CCDC77: variants seen among roughly 807,000 people sequenced by gnomAD.
The protein encoded by CCDC77 is coiled-coil domain containing 77, also known as coiled-coil domain-containing protein 77.
A neutral mutation model predicts 66.8 loss-of-function variants in CCDC77; 56 were observed. The observed-to-expected ratio is 0.84, with a 90% CI of 0.68 to 1.05. CCDC77 has a LOEUF of 1.05. CCDC77 is among the 50% of genes least tolerant of loss of function. The pLI is 0.00. For missense variants in CCDC77, 570 were observed against 576.8 expected (o/e 0.99, Z 0.12); for synonymous variants, 196 against 195.2 (o/e 1.00, Z -0.03).
At chr12:415,335 TATGTTAATATAATC>T (rs749489252) in intron 4 of CCDC77, among the ~76,000 whole-genome samples, 18,561 of 135,272 alleles carry the variant, frequency 0.14, 3,102 homozygotes, top group East Asian at 0.31. Context: ...AACATAATAT[TATGTTAATATAATC>T]AACATAATAT....
intron 4 of CCDC77, among the ~76,000 whole-genome samples, chr12:415,414 ATAT>A (rs200152509): frequency 0.094 from 2,103 of 22,410 alleles, 298 homozygotes; most frequent in Middle Eastern, 0.17. Flanking sequence ...TAATATGTTG[ATAT>A]TATTAACATA....
upstream of CCDC77, among the ~76,000 whole-genome samples, chr12:397,246 T>C (rs148752386): frequency 8.8e-3 from 1,340 of 152,176 alleles, 6 homozygotes; most frequent in Middle Eastern, 0.017. Flanking sequence ...CCTATGGTAA[T>C]AGACCAAGTG....
intron 1 of CCDC77, among the ~76,000 whole-genome samples, chr12:395,872 C>T (rs554997837): frequency 1.1e-4 from 17 of 150,976 alleles, no homozygotes; most frequent in Admixed American, 5.9e-4. Flanking sequence ...CCAGCCTGGG[C>T]GACAGAGTGA....
At chr12:431,714 T>G (rs973991880) in intron 7 of CCDC77, 152 bp from the exon 8 acceptor site, 1 of 560,402 alleles carries the variant, frequency 1.8e-6, no homozygotes, top group African/African-American at 1.9e-5. Context: ...ATGTTTCCCT[T>G]TGTCTTCCGA....
At position 389,390 on chromosome 12, in the gene CCDC77, C is replaced by A. The variant is rs557704157; in HGVS notation, c.-209C>A. 4.2e-3 allele frequency: 2,356 copies of A among 557,414 alleles called. 6 individuals carry two copies. Among genetic ancestry groups the A allele is most frequent in the Non-Finnish European group, 6.3e-3 (1,932 of 307,808 alleles). The allele number at this position is 557,414 out of a possible 1,614,324, so 34.5% of individuals were successfully genotyped here. ...CACGACGCCTGTGTGTCTGGCCTTT[C>A]CTTCTTCTTCTCTTCCCCGGCAGCA... On this transcript the variant is annotated 5_prime_UTR_variant, in exon 1 of 12. Transcript: ENST00000422000.
At chr12:390,736 A>AACACACAC (rs58938735) in intron 1 of CCDC77, among the ~76,000 whole-genome samples, 9,566 of 149,404 alleles carry the variant, frequency 0.064, 663 homozygotes, top group African/African-American at 0.17. Context: ...TATCTTTATA[A>AACACACAC]ACACACACAC....
At chr12:415,384 T>TTATGTTAATATAATCAACATAA (rs1565568106) in intron 4 of CCDC77, among the ~76,000 whole-genome samples, 8 of 102,986 alleles carry the variant, frequency 7.8e-5, no homozygotes, top group East Asian at 5.8e-4. Flanking sequence ...CAACATAATA[T>TTATGTTAATATAATCAACATAA]TATGTTAATA....
chr12:425,869 G>A (rs974280514), intron 5 of CCDC77, among the ~76,000 whole-genome samples: 1 of 151,956 alleles, frequency 6.6e-6, no homozygotes, highest in Non-Finnish European at 1.5e-5. Context: ...TTGTTTGTTT[G>A]TTTGTTTGTT....
At chr12:396,536 G>A (rs1944830582) in intron 1 of CCDC77, among the ~76,000 whole-genome samples, 1 of 152,194 alleles carries the variant, frequency 6.6e-6, no homozygotes, top group Non-Finnish European at 1.5e-5. Flanking sequence ...TTATGTAAGG[G>A]ACTTGAGCAT....
intron 7 of CCDC77, among the ~76,000 whole-genome samples, chr12:431,212 C>CTTTTTTT (rs61068771): frequency 1.7e-5 from 2 of 115,776 alleles, no homozygotes; most frequent in African/African-American, 2.9e-5. Context: ...TTGCTCAGTT[C>CTTTTTTT]TTTTTTTTTT....
intron 5 of CCDC77, 69 bp from the exon 6 acceptor site, chr12:428,700 T>C: frequency 9.5e-7 from 1 of 1,053,544 alleles, no homozygotes; most frequent in Non-Finnish European, 1.4e-6. Context: ...AGGGAGATCC[T>C]TTAAACAGAA....
At chr12:423,114 C>CTTTTTTTTTTTTTTTTTTT (rs139334337) in intron 5 of CCDC77, among the ~76,000 whole-genome samples, 1 of 74,542 alleles carries the variant, frequency 1.3e-5, no homozygotes, top group Non-Finnish European at 2.3e-5. Context: ...TCTTTTAAGC[C>CTTTTTTTTTTTTTTTTTTT]TTTTTTTTTT....
chr12:438,738 C>T (rs551773798), intron 10 of CCDC77, 184 bp downstream of exon 10: 47 of 529,810 alleles, frequency 8.9e-5, no homozygotes, highest in Non-Finnish European at 1.5e-4. Context: ...AAATATTAGA[C>T]TTGTTGATTC....
At chr12:419,108 G>A (rs1205089213) in intron 5 of CCDC77, among the ~76,000 whole-genome samples, 1 of 152,220 alleles carries the variant, frequency 6.6e-6, no homozygotes, top group African/African-American at 2.4e-5. Context: ...AGTTACTGGA[G>A]AAGCTCTCTG....
intron 1 of CCDC77, chr12:390,183 A>G (rs982541864): frequency 2.7e-5 from 4 of 150,558 alleles, no homozygotes; most frequent in African/African-American, 9.8e-5. Context: ...CTCACTTCCC[A>G]TGTATAATCG....
chr12:402,525 A>G (rs1321548643), intron 1 of CCDC77, among the ~76,000 whole-genome samples: 1 of 152,218 alleles, frequency 6.6e-6, no homozygotes, highest in Non-Finnish European at 1.5e-5. Flanking sequence ...TCATGAACAA[A>G]GGTATGGAGG....
intron 4 of CCDC77, among the ~76,000 whole-genome samples, chr12:418,054 C>T (rs1945320077): frequency 6.6e-6 from 1 of 152,124 alleles, no homozygotes; most frequent in Non-Finnish European, 1.5e-5. Flanking sequence ...CATGGTGGCT[C>T]GTGCCTATAA....
At chr12:422,230 A>G (rs1164732471) in intron 5 of CCDC77, among the ~76,000 whole-genome samples, 1 of 151,818 alleles carries the variant, frequency 6.6e-6, no homozygotes, top group Non-Finnish European at 1.5e-5. Flanking sequence ...GCTCCATTAC[A>G]GTGCTCTTCT....
At chr12:437,467 C>T (rs1306999602) in intron 9 of CCDC77, among the ~76,000 whole-genome samples, 1 of 152,074 alleles carries the variant, frequency 6.6e-6, no homozygotes, top group East Asian at 1.9e-4. Flanking sequence ...GGAACATTAA[C>T]CTGGGATGGA....
Sources: gnomAD v4.1 joint callset for allele counts (sites outside exome capture counted in the v4.1 genomes callset) on GRCh38, gnomAD v4.1.1 for gene constraint, MANE v1.5 for transcripts, NCBI Gene and HGNC (gene_info 2026-07-23, HGNC 2026-07-21) for gene names.